The following VPS37A variants were observed in gnomAD, a reference collection of about 807,000 sequenced individuals.
VPS37A encodes the protein vacuolar protein sorting-associated protein 37A.
VPS37A carries 30 observed loss-of-function variants against 49.8 expected under a neutral mutation model. That is an observed-to-expected ratio of 0.60 (90% CI 0.45 to 0.82). The LOEUF (loss-of-function observed/expected upper bound fraction) is 0.82, where lower values mean the gene tolerates loss of function less well. Ranked by LOEUF, VPS37A falls within the 40% of genes least tolerant of loss-of-function variation. VPS37A has a pLI of 0.00. For synonymous variants in VPS37A, 195 were observed against 160.6 expected (o/e 1.21, Z -1.62); for missense variants, 593 against 464.4 (o/e 1.28, Z -2.55).
chr8:17,304,323 C>T (rs1388261509), downstream of VPS37A: 18 of 1,577,316 alleles, frequency 1.1e-5, no homozygotes, highest in South Asian at 4.5e-5. Context: ...GAATGTTAAA[C>T]GGTACCAGAA....
intron 6 of VPS37A, 179 bp from the exon 7 acceptor site, chr8:17,279,849 T>C: frequency 1.4e-6 from 1 of 736,714 alleles, no homozygotes; most frequent in Non-Finnish European, 2.3e-6. Flanking sequence ...GACTGCTCTA[T>C]GTTCCATTGT....
At chr8:17,330,659 G>C in the VPS37A span, among the ~76,000 whole-genome samples, 2 of 152,202 alleles carry the variant, frequency 1.3e-5, no homozygotes, top group East Asian at 3.8e-4. Flanking sequence ...GTCAAAGTGT[G>C]TGTGGAGGTG....
intron 11 of VPS37A, 65 bp downstream of exon 11, chr8:17,286,492 G>T (rs1187852237): frequency 7.1e-7 from 1 of 1,402,096 alleles, no homozygotes; most frequent in Non-Finnish European, 1.0e-6. Context: ...TAGACATGTT[G>T]TTAACGGTGC....
chr8:17,280,007 T>C (rs1251785925), intron 6 of VPS37A, 21 bp from the exon 7 acceptor site: 1 of 1,607,710 alleles, frequency 6.2e-7, no homozygotes, highest in Admixed American at 1.7e-5. Context: ...TTTATTGACA[T>C]TTTTTCTTTT....
chr8:17,280,031 G>T lies in VPS37A; in HGVS notation c.717G>T (p.Val239=), dbSNP rs1814892509. The T allele has an allele frequency of 6.2e-7, 1 of 1,610,418 alleles. No individual in the cohort carries two copies. Among genetic ancestry groups the T allele is most frequent in the African/African-American group, 1.3e-5 (1 of 74,868 alleles). ...DAFPELSELS[V]SQLTDMNEQE... is the part of the protein sequence containing the mutation. ...ATTTTTTCTTTTGTGTTTCTAGTGT[G>T]TCACAACTCACAGATATGAATGAAC... Residue 239 remains valine, a synonymous_variant, in exon 7 of 12, where the codon GTG becomes GTT. Transcript: ENST00000324849.
chr8:17,287,397 G>A (rs1488148380), intron 11 of VPS37A, among the ~76,000 whole-genome samples: 9 of 151,960 alleles, frequency 5.9e-5, no homozygotes, highest in South Asian at 2.1e-4. Flanking sequence ...TTTTCTGGCC[G>A]AGCGCAGTGG....
At chr8:17,276,314 A>G in intron 5 of VPS37A, 83 bp from the exon 6 acceptor site, 3 of 1,049,276 alleles carry the variant, frequency 2.9e-6, no homozygotes, top group Non-Finnish European at 4.3e-6. Context: ...GGGATATAGT[A>G]CATTAAAGAT....
chr8:17,328,017 T>C, the VPS37A span, among the ~76,000 whole-genome samples: 3 of 152,348 alleles, frequency 2.0e-5, no homozygotes, highest in East Asian at 3.9e-4. Context: ...TTTAGTTTAA[T>C]GAATACATTG....
chr8:17,317,903 A>T, the VPS37A span, among the ~76,000 whole-genome samples: 9 of 151,148 alleles, frequency 6.0e-5, no homozygotes, highest in African/African-American at 2.2e-4. Flanking sequence ...GTCCTTCTGT[A>T]TTTTTGCCTT....
chr8:17,313,815 T>C, the VPS37A span, among the ~76,000 whole-genome samples: 2 of 152,208 alleles, frequency 1.3e-5, no homozygotes, highest in African/African-American at 4.8e-5. Context: ...CACTTAGAAG[T>C]TTCTGTCACC....
chr8:17,267,225 T>C (rs1813550204), intron 2 of VPS37A, among the ~76,000 whole-genome samples: 1 of 152,138 alleles, frequency 6.6e-6, no homozygotes, highest in Admixed American at 6.5e-5. Context: ...GTTTTATCTC[T>C]CATCAAATGA....
intron 1 of VPS37A, among the ~76,000 whole-genome samples, chr8:17,258,657 CCTT>C (rs576782280): frequency 4.0e-5 from 6 of 151,388 alleles, no homozygotes; most frequent in Admixed American, 6.6e-5. Flanking sequence ...TGGAAGTAGT[CCTT>C]CTTCAATTTT....
At chr8:17,327,268 T>G in the VPS37A span, among the ~76,000 whole-genome samples, 1 of 152,148 alleles carries the variant, frequency 6.6e-6, no homozygotes, top group Non-Finnish European at 1.5e-5. Flanking sequence ...TAGGCATGTC[T>G]ATATCTTATT....
chr8:17,306,416 G>C (rs10503592), downstream of VPS37A, among the ~76,000 whole-genome samples: 17,047 of 151,844 alleles, frequency 0.11, 1,175 homozygotes, highest in Non-Finnish European at 0.16. Context: ...GGTTTCCCAA[G>C]TTGCCAAGAA....
At chr8:17,262,437 A>G (rs1198248290) in intron 1 of VPS37A, among the ~76,000 whole-genome samples, 1 of 152,226 alleles carries the variant, frequency 6.6e-6, no homozygotes, top group African/African-American at 2.4e-5. Context: ...AGCTTTATTT[A>G]GCCCCAACAA....
rs115136185 is a variant in VPS37A at position 17,252,347 on chromosome 8, T to G, written c.125+4978T>G. On this transcript the variant is annotated intron_variant, in intron 1 of 11. Transcript: ENST00000324849. Reference sequence around the variant, plus strand: ...GTTTAATTACTTTTGTTGTTGTTGTTGTTGTTTTGGTAGAGATGGGGTTTT... The same window carrying G: ...GTTTAATTACTTTTGTTGTTGTTGTGGTTGTTTTGGTAGAGATGGGGTTTT... 7.8e-3 allele frequency among the ~76,000 whole-genome samples: 1,187 copies of G among 152,180 alleles called. 14 individuals are homozygous for G. The highest frequency in any genetic ancestry group is 0.027 in the African/African-American group (1,112 of 41,534).
In VPS37A at chr8:17,265,967, A is replaced by C; in HGVS notation, c.186A>C (p.Thr62=). 6.2e-7 allele frequency: 1 copy of C among 1,612,488 alleles called. No individual in the cohort carries two copies. The highest frequency in any genetic ancestry group is 8.5e-7 in the Non-Finnish European group (1 of 1,179,304). ...YRLPFTINNL[T]ININILLPPQ... The stretch of plus-strand genomic sequence containing the variant: ...TGCCATTCACCATAAACAACCTGAC[A>C]ATTAACATTAATATGTGAGTAGAAT... The change falls in exon 2 of 12, where the codon ACA becomes ACC. Residue 62 remains threonine (T), a synonymous_variant. Coordinates refer to ENST00000324849, the MANE Select transcript of VPS37A (RefSeq NM_152415.3).
the VPS37A span, among the ~76,000 whole-genome samples, chr8:17,308,618 C>T: frequency 1.3e-5 from 2 of 152,296 alleles, no homozygotes; most frequent in African/African-American, 2.4e-5. Context: ...CTAAGTACAG[C>T]TATACCATTT....
chr8:17,286,306 T>G (rs1815581188), intron 10 of VPS37A, 41 bp from the exon 11 acceptor site: 2 of 1,547,210 alleles, frequency 1.3e-6, no homozygotes, highest in East Asian at 2.3e-5. Flanking sequence ...TAGGCATATC[T>G]TTGTAAAAGT....
Sources: gnomAD v4.1 joint callset for allele counts (sites outside exome capture counted in the v4.1 genomes callset) on GRCh38, gnomAD v4.1.1 for gene constraint, MANE v1.5 for transcripts, NCBI Gene and HGNC (gene_info 2026-07-23, HGNC 2026-07-21) for gene names.